Variants in FBN2 observed in about 807,000 individuals in gnomAD.
The protein encoded by FBN2 is fibrillin-2.
FBN2 carries 105 observed loss-of-function variants against 355.6 expected under a neutral mutation model. The observed-to-expected ratio is 0.30, with a 90% CI of 0.25 to 0.35. The LOEUF (loss-of-function observed/expected upper bound fraction) is 0.35. Among genes scored for constraint, FBN2 ranks in the 10% least tolerant of loss-of-function variants. The pLI, the probability that FBN2 is intolerant of heterozygous loss-of-function variation, is 1.00. For missense variants in FBN2, 3,280 were observed against 3,758.7 expected (o/e 0.87, Z 3.33); for synonymous variants, 1,350 against 1,301.2 (o/e 1.04, Z -0.81).
intron 2 of FBN2, among the ~76,000 whole-genome samples, chr5:128,535,044 C>T (rs536524478): frequency 6.6e-6 from 1 of 152,288 alleles, no homozygotes; most frequent in African/African-American, 2.4e-5. Flanking sequence ...GTAAACCCAC[C>T]CTCCATTAAT....
chr5:128,512,436 C>A lies in FBN2; in HGVS notation c.628+6837G>T, dbSNP rs1008122253. 2.1e-5 allele frequency among the ~76,000 whole-genome samples: 3 copies of A among 142,032 alleles called. 1 individual carries two copies. In the Admixed American group the frequency reaches 2.3e-4, roughly 11 times the overall value. The allele number at this position is 142,032 out of a possible 152,430, so 93.2% of individuals were successfully genotyped here. ...GCTGAGGCAGGAGAATAGCTTGAAC[C>A]GGGGAGGCGGAGATTGCAGTGAGCC... On this transcript the variant is annotated intron_variant, in intron 5 of 64. Transcript: ENST00000262464.
At chr5:128,470,609 G>C (rs962748886) in intron 5 of FBN2, among the ~76,000 whole-genome samples, 2 of 152,138 alleles carry the variant, frequency 1.3e-5, no homozygotes, top group African/African-American at 2.4e-5. Flanking sequence ...AGCATATTTT[G>C]AAATTACAGA....
chr5:128,427,209 T>C (rs1753505805), intron 7 of FBN2, among the ~76,000 whole-genome samples: 1 of 152,024 alleles, frequency 6.6e-6, no homozygotes. Flanking sequence ...CCACCAAGCA[T>C]GGAAATAAAA....
chr5:128,421,114 G>C (rs944646350), intron 7 of FBN2, among the ~76,000 whole-genome samples: 2 of 152,174 alleles, frequency 1.3e-5, no homozygotes. Flanking sequence ...CATGACCTGA[G>C]GGCATTTACT....
intron 7 of FBN2, among the ~76,000 whole-genome samples, chr5:128,421,574 G>A (rs1049905780): frequency 6.6e-5 from 10 of 152,106 alleles, no homozygotes; most frequent in Admixed American, 6.5e-4. Context: ...TCTTTGCAAG[G>A]TGATTGGAAT....
At chr5:128,473,640 T>C (rs1160919767) in intron 5 of FBN2, among the ~76,000 whole-genome samples, 1 of 152,156 alleles carries the variant, frequency 6.6e-6, no homozygotes, top group Non-Finnish European at 1.5e-5. Flanking sequence ...TTTTGGTAAC[T>C]TTGCCTTCAC....
rs1165621080 is a variant in FBN2 at position 128,309,328 on chromosome 5, T to A, written c.5272A>T (p.Thr1758Ser). ...TATGTGCAGCAGCACATCCTTTTTGTCACATTGAAAGGCAACTCATTCTCA... is the reference window on the plus strand; with the variant it reads ...TATGTGCAGCAGCACATCCTTTTTGACACATTGAAAGGCAACTCATTCTCA... ...TCENELPFNV[T>S]KRMCCCTYNV... The change falls in exon 41 of 65, where the codon ACA (threonine) becomes TCA (serine). Residue 1758 changes from threonine to serine, a missense_variant. Thr to Ser is a moderately conservative substitution (Grantham distance 58). Coordinates refer to ENST00000262464, the MANE Select transcript of FBN2 (RefSeq NM_001999.4). 6.2e-7 allele frequency: 1 copy of A among 1,614,100 alleles called. No individual in the cohort carries two copies. Among genetic ancestry groups the A allele is most frequent in the South Asian group, 1.1e-5 (1 of 91,086 alleles).
At chr5:128,529,425 T>C (rs1004997333) in intron 3 of FBN2, among the ~76,000 whole-genome samples, 11 of 152,184 alleles carry the variant, frequency 7.2e-5, no homozygotes, top group Admixed American at 6.5e-4. Context: ...TAATGATTAA[T>C]AGTGCCAAAA....
intron 23 of FBN2, among the ~76,000 whole-genome samples, chr5:128,347,900 C>T (rs1047507559): frequency 6.6e-6 from 1 of 151,936 alleles, no homozygotes; most frequent in African/African-American, 2.4e-5. Flanking sequence ...TGCTTCAGTC[C>T]CTCGAGTAGC....
chr5:128,366,342 G>A (rs151206906), intron 17 of FBN2, 35 bp downstream of exon 17: 33 of 1,174,316 alleles, frequency 2.8e-5, no homozygotes, highest in African/African-American at 9.0e-5. Context: ...ATTATGTCAC[G>A]TGATTATTAT....
At chr5:128,341,893 T>A (rs1047155079) in intron 25 of FBN2, among the ~76,000 whole-genome samples, 11 of 152,222 alleles carry the variant, frequency 7.2e-5, no homozygotes, top group East Asian at 1.9e-4. Flanking sequence ...AGAATTCGCA[T>A]AACTTTTTCA....
intron 5 of FBN2, among the ~76,000 whole-genome samples, chr5:128,470,600 G>A (rs1754834164): frequency 6.6e-6 from 1 of 152,122 alleles, no homozygotes; most frequent in African/African-American, 2.4e-5. Flanking sequence ...TAGAATGTTA[G>A]CATATTTTGA....
At chr5:128,401,310 C>G (rs997633603) in intron 8 of FBN2, among the ~76,000 whole-genome samples, 60 of 152,222 alleles carry the variant, frequency 3.9e-4, no homozygotes, top group Non-Finnish European at 5.3e-4. Context: ...TTTATTGGCA[C>G]TACCATGATT....
chr5:128,525,922 A>G (rs1444831983), intron 4 of FBN2, among the ~76,000 whole-genome samples: 2 of 152,162 alleles, frequency 1.3e-5, no homozygotes, highest in Admixed American at 6.6e-5. Flanking sequence ...TTTCATTCAC[A>G]TATTATCTAT....
At chr5:128,332,760 A>C (rs749941579) in intron 32 of FBN2, 152 bp downstream of exon 32, 82 of 780,194 alleles carry the variant, frequency 1.1e-4, no homozygotes, top group Non-Finnish European at 1.5e-4. Flanking sequence ...ATTAAGGGTA[A>C]AGGACACCCT....
At chr5:128,527,499 G>A (rs1756592510) in intron 4 of FBN2, among the ~76,000 whole-genome samples, 1 of 151,904 alleles carries the variant, frequency 6.6e-6, no homozygotes, top group African/African-American at 2.4e-5. Context: ...GAGAGGGAAG[G>A]AAGAAGTAAA....
Position 128,274,301 on chromosome 5 carries a change from C to T in FBN2, c.7711+266G>A, listed in dbSNP as rs73784561. ...CCTTTAATCATATTTTGTCTGAACA[C>T]CATGGTTGCATTAAGAATGTGATAT... On this transcript the variant is annotated intron_variant, in intron 60 of 64. Transcript: ENST00000262464. Among the ~76,000 whole-genome samples, 3,752 of 152,166 alleles carry T rather than the reference C, an allele frequency of 0.025. 139 individuals are homozygous for T. Among genetic ancestry groups the T allele is most frequent in the African/African-American group, 0.085 (3,533 of 41,502 alleles).
At chr5:128,386,273 T>C (rs1451927317) in intron 11 of FBN2, among the ~76,000 whole-genome samples, 2 of 152,202 alleles carry the variant, frequency 1.3e-5, no homozygotes, top group African/African-American at 4.8e-5. Context: ...ATTTATCGAA[T>C]AGGGAGCCCT....
At chr5:128,431,484 T>TA (rs1330800945) in intron 7 of FBN2, among the ~76,000 whole-genome samples, 1 of 152,236 alleles carries the variant, frequency 6.6e-6, no homozygotes, top group East Asian at 1.9e-4. Context: ...ACTGTCGCCA[T>TA]AACTTTTGCA....
Sources: gnomAD v4.1 joint callset for allele counts (sites outside exome capture counted in the v4.1 genomes callset) on GRCh38, gnomAD v4.1.1 for gene constraint, MANE v1.5 for transcripts, NCBI Gene and HGNC (gene_info 2026-07-23, HGNC 2026-07-21) for gene names.